The following SFMBT2 variants were observed in gnomAD, a reference collection of about 807,000 sequenced individuals.
SFMBT2 encodes the protein scm-like with four MBT domains protein 2.
A neutral mutation model predicts 110.1 loss-of-function variants in SFMBT2; 38 were observed. That is an observed-to-expected ratio of 0.35 (90% CI 0.27 to 0.45). SFMBT2 has a LOEUF of 0.45. Among genes scored for constraint, SFMBT2 ranks in the 20% least tolerant of loss-of-function variants. The pLI, the probability that SFMBT2 is intolerant of heterozygous loss-of-function variation, is 1.00. For synonymous variants in SFMBT2, 425 were observed against 425.4 expected, an observed-to-expected ratio of 1.00 and a Z score of 0.01; for missense variants, 1,011 against 1,094.9, an observed-to-expected ratio of 0.92 and a Z score of 1.08.
At chr10:7,165,774 A>G (rs1017507206) in intron 20 of SFMBT2, among the ~76,000 whole-genome samples, 3 of 152,354 alleles carry the variant, frequency 2.0e-5, no homozygotes, top group East Asian at 3.9e-4. Context: ...CTATGTTTAT[A>G]TCATTTTTCC....
At chr10:7,378,075 G>C (rs1037354286) in intron 2 of SFMBT2, among the ~76,000 whole-genome samples, 3 of 151,496 alleles carry the variant, frequency 2.0e-5, no homozygotes, top group Non-Finnish European at 4.4e-5. Context: ...GTGTGTGCAT[G>C]TGTATGTGGA....
intron 11 of SFMBT2, chr10:7,207,686 C>A: frequency 3.5e-6 from 3 of 867,286 alleles, no homozygotes; most frequent in Non-Finnish European, 4.2e-6. Context: ...ATGCCAACAA[C>A]CAAACACAAA....
intron 16 of SFMBT2, among the ~76,000 whole-genome samples, chr10:7,181,826 T>TA (rs896586448): frequency 1.3e-4 from 20 of 151,214 alleles, no homozygotes; most frequent in South Asian, 4.2e-4. Context: ...ACAGCCCTAT[T>TA]AAAAAAAAAG....
chr10:7,229,194 T>C (rs2131678547), intron 9 of SFMBT2, among the ~76,000 whole-genome samples: 1 of 152,322 alleles, frequency 6.6e-6, no homozygotes, highest in East Asian at 1.9e-4. Flanking sequence ...TTCCCCATAT[T>C]GTCACAGATT....
At chr10:7,164,696 A>T (rs1837647322) in intron 20 of SFMBT2, among the ~76,000 whole-genome samples, 1 of 151,472 alleles carries the variant, frequency 6.6e-6, no homozygotes, top group Non-Finnish European at 1.5e-5. Context: ...ATGGGTGAGA[A>T]GATGCTCAAG....
intron 20 of SFMBT2, among the ~76,000 whole-genome samples, chr10:7,169,888 T>C (rs761144350): frequency 3.9e-5 from 6 of 152,162 alleles, no homozygotes; most frequent in Non-Finnish European, 7.3e-5. Flanking sequence ...TCCTTTAAGG[T>C]AGAAATTATA....
intron 4 of SFMBT2, among the ~76,000 whole-genome samples, chr10:7,292,906 T>C (rs908213152): frequency 6.6e-6 from 1 of 151,732 alleles, no homozygotes; most frequent in Non-Finnish European, 1.5e-5. Context: ...GGCAGGAGAA[T>C]TGCTTGAACC....
intron 11 of SFMBT2, among the ~76,000 whole-genome samples, chr10:7,217,348 A>G (rs1839574271): frequency 1.3e-5 from 2 of 152,216 alleles, no homozygotes; most frequent in African/African-American, 4.8e-5. Flanking sequence ...TTTTAAAACC[A>G]TTCTTAAAAA....
intron 4 of SFMBT2, among the ~76,000 whole-genome samples, chr10:7,317,004 A>G (rs980165998): frequency 2.6e-5 from 4 of 152,180 alleles, no homozygotes; most frequent in African/African-American, 9.7e-5. Context: ...TGTGTGGCAG[A>G]GCTCACAACT....
chr10:7,392,252 C>T (rs920496579), intron 1 of SFMBT2, among the ~76,000 whole-genome samples: 8 of 152,144 alleles, frequency 5.3e-5, no homozygotes, highest in African/African-American at 1.4e-4. Flanking sequence ...CGGTGGCTCA[C>T]GCCTGTAATC....
chr10:7,366,437 A>C lies in SFMBT2; in HGVS notation c.436+1212T>G, dbSNP rs538753167. Among the ~76,000 whole-genome samples the C allele has an allele frequency of 5.9e-5, 9 of 152,016 alleles. No homozygotes were observed. In the East Asian group the frequency reaches 1.4e-3, roughly 23 times the overall value. On this transcript the variant is annotated intron_variant, in intron 4 of 20. Coordinates refer to ENST00000397167, the MANE Select transcript of SFMBT2 (RefSeq NM_001387889.1). Reference sequence around the variant, plus strand: ...GAAAAACAATATATCATAACAAAAAAAAAAAAAAAAAGATAGAGCTCCGAT... The same window carrying C: ...GAAAAACAATATATCATAACAAAAACAAAAAAAAAAAGATAGAGCTCCGAT...
Position 7,172,804 on chromosome 10 carries a change from C to T in SFMBT2, c.1985-143G>A. The T allele has an allele frequency of 9.4e-7, 1 of 1,064,222 alleles. No individual in the cohort carries two copies. The highest frequency in any genetic ancestry group is 1.7e-5 in the South Asian group (1 of 59,372). The allele number at this position is 1,064,222 out of a possible 1,614,324, so 65.9% of individuals were successfully genotyped here. A position where few individuals can be genotyped will look rare whatever the true frequency, so the allele number is the denominator to read the frequency against. On this transcript the variant is annotated intron_variant, in intron 17 of 20. Coordinates refer to ENST00000397167, the MANE Select transcript of SFMBT2 (RefSeq NM_001387889.1). The surrounding 1 kb of genome is among the most constrained non-coding windows in gnomAD (Gnocchi z 4.6). ...CGAAGTCATTCTGAGAAAACAGACC[C>T]ACAGGAGAAGCACTGCTCCAAAGCT...
intron 12 of SFMBT2, chr10:7,203,685 C>A (rs1588799202): frequency 1.0e-6 from 1 of 984,642 alleles, no homozygotes; most frequent in Non-Finnish European, 1.2e-6. Flanking sequence ...AATCTATTGG[C>A]CATGCTGGCT....
chr10:7,308,160 G>A (rs1211120881), intron 4 of SFMBT2, among the ~76,000 whole-genome samples: 1 of 152,120 alleles, frequency 6.6e-6, no homozygotes, highest in African/African-American at 2.4e-5. Flanking sequence ...TTTGAGACCA[G>A]CCCAGGCAAC....
chr10:7,235,628 C>A (rs1315652622), intron 9 of SFMBT2, among the ~76,000 whole-genome samples: 1 of 151,626 alleles, frequency 6.6e-6, no homozygotes, highest in African/African-American at 2.4e-5. Context: ...ACACACACAC[C>A]CCACATACAC....
At chr10:7,210,914 G>A (rs1839326368) in intron 11 of SFMBT2, among the ~76,000 whole-genome samples, 1 of 151,836 alleles carries the variant, frequency 6.6e-6, no homozygotes, top group Non-Finnish European at 1.5e-5. Flanking sequence ...GATTAGACGA[G>A]TATGGGGGGG....
chr10:7,228,712 TTTC>T (rs1389082138), intron 9 of SFMBT2, among the ~76,000 whole-genome samples: 1 of 134,226 alleles, frequency 7.5e-6, no homozygotes, highest in Non-Finnish European at 1.6e-5. Context: ...TCTTTCTTTC[TTTC>T]TTTCTTTCTT....
intron 20 of SFMBT2, among the ~76,000 whole-genome samples, chr10:7,166,090 G>A (rs370550269): frequency 2.1e-4 from 32 of 152,172 alleles, no homozygotes; most frequent in African/African-American, 7.2e-4. Context: ...ATTCTGTTCT[G>A]TTCTGTGGAT....
chr10:7,228,044 T>C (rs1237258061), intron 9 of SFMBT2, 107 bp from the exon 10 acceptor site: 2 of 726,084 alleles, frequency 2.8e-6, no homozygotes, highest in Non-Finnish European at 4.5e-6. Context: ...GATAATGTCC[T>C]CTGATGCCTA....
Sources: allele counts gnomAD v4.1 joint callset (sites outside exome capture counted in the v4.1 genomes callset), GRCh38; gene constraint gnomAD v4.1.1; non-coding constraint Gnocchi (gnomAD v3.1); transcripts MANE v1.5; gene names NCBI Gene and HGNC (gene_info 2026-07-23, HGNC 2026-07-21).